HPSE2: variants seen among roughly 807,000 people sequenced by gnomAD.
HPSE2 encodes the protein heparanase 2 (inactive).
In HPSE2, 38 loss-of-function variants were observed where a neutral mutation model predicts 60.5. The observed-to-expected ratio is 0.63, with a 90% CI of 0.48 to 0.82. The LOEUF (loss-of-function observed/expected upper bound fraction) is 0.82, where lower values mean the gene tolerates loss of function less well. Among genes scored for constraint, HPSE2 ranks in the 40% least tolerant of loss-of-function variants. HPSE2 has a pLI of 0.00. For missense variants in HPSE2, 713 were observed against 740.4 expected (o/e 0.96, Z 0.43); for synonymous variants, 295 against 293.2 (o/e 1.01, Z -0.06).
chr10:98,969,604 A>G (rs2496712), intron 3 of HPSE2, among the ~76,000 whole-genome samples: 131,787 of 152,208 alleles, frequency 0.87, 57,520 homozygotes, highest in African/African-American at 0.97. Context: ...AACATGATGT[A>G]GTTTCTTCAA....
At chr10:99,147,078 C>T (rs531119408) in intron 2 of HPSE2, among the ~76,000 whole-genome samples, 12 of 152,122 alleles carry the variant, frequency 7.9e-5, no homozygotes, top group African/African-American at 1.4e-4. Flanking sequence ...TTGTATAATC[C>T]TAAATGATAA....
intron 9 of HPSE2, among the ~76,000 whole-genome samples, chr10:98,550,806 G>A (rs1943841690): frequency 6.6e-6 from 1 of 151,794 alleles, no homozygotes; most frequent in Admixed American, 6.6e-5. Flanking sequence ...ATAGGGTCTT[G>A]CTTTGTTGCC....
intron 3 of HPSE2, among the ~76,000 whole-genome samples, chr10:99,100,116 T>C (rs1843893166): frequency 6.6e-6 from 1 of 152,232 alleles, no homozygotes; most frequent in South Asian, 2.1e-4. Context: ...CAGCTCCTTG[T>C]CAGCAATGGA....
At chr10:99,276,653 TG>T in the HPSE2 span, among the ~76,000 whole-genome samples, 2 of 152,130 alleles carry the variant, frequency 1.3e-5, no homozygotes, top group African/African-American at 2.4e-5. Context: ...TAGGATAAGC[TG>T]CTATTAGTAA....
rs947979582 is a variant in HPSE2, at chr10:99,096,698, T to G, written c.610+47540A>C. ...TGGAAATTGAGCTAAATTGTTGTGT[T>G]TTTTTTTTTCCTATTTTCCCACAGC... On this transcript the variant is annotated intron_variant, in intron 3 of 11. Transcript: ENST00000370552. 9.1e-4 allele frequency among the ~76,000 whole-genome samples: 36 copies of G among 39,520 alleles called. No homozygotes were observed. In the East Asian group the frequency reaches 0.039, roughly 43 times the overall value. 25.9% of individuals were successfully genotyped at this position (39,520 alleles called of 152,430 possible).
intron 9 of HPSE2, among the ~76,000 whole-genome samples, chr10:98,578,219 T>A (rs1363801129): frequency 6.6e-6 from 1 of 152,200 alleles, no homozygotes; most frequent in African/African-American, 2.4e-5. Flanking sequence ...TGCTGTTTTG[T>A]CTCTGAGACT....
the HPSE2 span, among the ~76,000 whole-genome samples, chr10:99,280,000 G>A: frequency 6.6e-6 from 1 of 152,294 alleles, no homozygotes; most frequent in African/African-American, 2.4e-5. Flanking sequence ...ACCCAAAAAT[G>A]AGATAGAGTG....
intron 3 of HPSE2, among the ~76,000 whole-genome samples, chr10:98,789,142 G>C (rs146420029): frequency 7.9e-5 from 12 of 152,294 alleles, no homozygotes; most frequent in Non-Finnish European, 1.5e-4. Context: ...CGGTGATACA[G>C]GGCTTGGAAC....
At chr10:99,015,236 C>G (rs1308690301) in intron 3 of HPSE2, among the ~76,000 whole-genome samples, 1 of 152,032 alleles carries the variant, frequency 6.6e-6, no homozygotes, top group African/African-American at 2.4e-5. Flanking sequence ...TCAACTAGTT[C>G]AACCATTGTG....
chr10:98,789,733 T>C (rs1359058809), intron 3 of HPSE2, among the ~76,000 whole-genome samples: 2 of 152,156 alleles, frequency 1.3e-5, no homozygotes, highest in Non-Finnish European at 2.9e-5. Flanking sequence ...CAAGTACTTT[T>C]TTTAAGGGAA....
intron 3 of HPSE2, among the ~76,000 whole-genome samples, chr10:99,093,070 T>C (rs1358778259): frequency 2.0e-5 from 3 of 152,040 alleles, no homozygotes; most frequent in South Asian, 4.2e-4. Context: ...TCTACTAAAA[T>C]ACAAAAAATT....
intron 7 of HPSE2, among the ~76,000 whole-genome samples, chr10:98,638,137 CAAA>C (rs34364786): frequency 6.8e-5 from 1 of 14,682 alleles, no homozygotes; most frequent in African/African-American, 2.1e-4. Flanking sequence ...AGACCCATCT[CAAA>C]AAAAAAAAAA....
intron 3 of HPSE2, among the ~76,000 whole-genome samples, chr10:98,899,124 A>G (rs1012698236): frequency 1.8e-4 from 28 of 152,362 alleles, no homozygotes; most frequent in Middle Eastern, 3.4e-3. Context: ...TTTGTGTGCC[A>G]TGTGGTCTTC....
Position 98,487,895 on chromosome 10 carries a change from G to A in HPSE2, c.1466+2156C>T, listed in dbSNP as rs149391268. Among the ~76,000 whole-genome samples the A allele has an allele frequency of 2.6e-5, 4 of 152,346 alleles. No individual in the cohort carries two copies. The East Asian group carries it at 7.7e-4, about 29-fold the overall frequency. ...CTTTGAGCTGCCCTAGCTGGACACT[G>A]ACACCTGTTGACATGGAGGAGCCCT... On this transcript the variant is annotated intron_variant, in intron 10 of 11. Transcript: ENST00000370552.
intron 6 of HPSE2, among the ~76,000 whole-genome samples, chr10:98,652,541 C>T (rs924735354): frequency 6.6e-6 from 1 of 152,202 alleles, no homozygotes; most frequent in African/African-American, 2.4e-5. Flanking sequence ...GTTTTTACCC[C>T]CTGCCCATTC....
intron 3 of HPSE2, among the ~76,000 whole-genome samples, chr10:98,984,325 G>A (rs1033722863): frequency 2.0e-5 from 3 of 152,190 alleles, no homozygotes; most frequent in Non-Finnish European, 4.4e-5. Flanking sequence ...AGCAACATTT[G>A]CTGTTTGCCA....
intron 3 of HPSE2, among the ~76,000 whole-genome samples, chr10:98,816,406 G>A (rs1258938434): frequency 1.3e-5 from 2 of 152,106 alleles, no homozygotes; most frequent in Admixed American, 1.3e-4. Context: ...AAACGATGGA[G>A]AGTGGATAAA....
intron 5 of HPSE2, among the ~76,000 whole-genome samples, chr10:98,699,949 C>T (rs1291243066): frequency 1.1e-4 from 16 of 145,536 alleles, no homozygotes; most frequent in Non-Finnish European, 2.0e-4. Context: ...TGTGAAGGAC[C>T]TCTTCAAGGA....
At chr10:98,507,524 C>T (rs1329462919) in intron 9 of HPSE2, among the ~76,000 whole-genome samples, 2 of 152,058 alleles carry the variant, frequency 1.3e-5, no homozygotes, top group East Asian at 3.9e-4. Context: ...TTTAAGTTGG[C>T]TGATAGTGGG....
Sources: gnomAD v4.1 joint callset for allele counts (sites outside exome capture counted in the v4.1 genomes callset) on GRCh38, gnomAD v4.1.1 for gene constraint, MANE v1.5 for transcripts, NCBI Gene and HGNC (gene_info 2026-07-23, HGNC 2026-07-21) for gene names.